The following SAMMSON variants were observed in gnomAD, a reference collection of about 807,000 sequenced individuals.
SAMMSON encodes the protein long intergenic non-protein coding RNA 1212.
At chr3:70,093,720 G>A (rs1345694643) in intron 4 of SAMMSON, among the ~76,000 whole-genome samples, 4 of 152,042 alleles carry the variant, frequency 2.6e-5, no homozygotes, top group East Asian at 1.9e-4. Context: ...CATGTGGCAC[G>A]GTGGAGTGGG....
chr3:70,370,871 T>C (rs1702963043), intron 9 of SAMMSON, among the ~76,000 whole-genome samples: 1 of 152,102 alleles, frequency 6.6e-6, no homozygotes, highest in South Asian at 2.1e-4. Flanking sequence ...TTAGAGGTCT[T>C]AGTCATAAAC....
At chr3:70,237,977 A>ATATTTTTT (rs1251005797) in intron 4 of SAMMSON, among the ~76,000 whole-genome samples, 1 of 13,008 alleles carries the variant, frequency 7.7e-5, no homozygotes, top group Non-Finnish European at 1.4e-4. Flanking sequence ...ATTGAGTGGT[A>ATATTTTTT]TCTTTTTTTT....
chr3:70,290,561 G>A (rs1193763241), intron 6 of SAMMSON, among the ~76,000 whole-genome samples: 1 of 152,232 alleles, frequency 6.6e-6, no homozygotes, highest in Non-Finnish European at 1.5e-5. Flanking sequence ...AGGCAGGCAG[G>A]CCTCCTTGAG....
chr3:70,353,139 A>G (rs967141080), intron 7 of SAMMSON, among the ~76,000 whole-genome samples: 3 of 152,028 alleles, frequency 2.0e-5, no homozygotes, highest in Non-Finnish European at 4.4e-5. Context: ...CTGGGCAAAA[A>G]ATCCTTAGAT....
intron 7 of SAMMSON, among the ~76,000 whole-genome samples, chr3:70,292,203 GATA>G (rs1444107097): frequency 2.6e-5 from 4 of 152,288 alleles, no homozygotes; most frequent in African/African-American, 7.2e-5. Flanking sequence ...ATGAATTGGA[GATA>G]ATAATACCAC....
intron 3 of SAMMSON, among the ~76,000 whole-genome samples, chr3:70,016,280 A>G (rs574776684): frequency 1.3e-5 from 2 of 152,058 alleles, no homozygotes; most frequent in Non-Finnish European, 2.9e-5. Context: ...ATGGAATCTC[A>G]TTGTGGTTTT....
chr3:70,157,450 A>G (rs576418513), intron 4 of SAMMSON, among the ~76,000 whole-genome samples: 20 of 152,228 alleles, frequency 1.3e-4, no homozygotes, highest in African/African-American at 4.3e-4. Flanking sequence ...TATCATTCAC[A>G]TGAGTGATAT....
At chr3:70,164,574 G>C (rs1431606851) in intron 4 of SAMMSON, among the ~76,000 whole-genome samples, 3 of 151,982 alleles carry the variant, frequency 2.0e-5, no homozygotes, top group Non-Finnish European at 4.4e-5. Flanking sequence ...TCCCACCTGT[G>C]CAACAAATAA....
At chr3:70,240,949 G>A (rs1317599662) in intron 4 of SAMMSON, among the ~76,000 whole-genome samples, 2 of 152,128 alleles carry the variant, frequency 1.3e-5, no homozygotes, top group Non-Finnish European at 2.9e-5. Flanking sequence ...TGATAAATGA[G>A]CCAAGTTAAT....
intron 4 of SAMMSON, chr3:70,159,594 G>C (rs1227689841): frequency 6.6e-6 from 1 of 151,300 alleles, no homozygotes; most frequent in East Asian, 1.9e-4. Context: ...ATGGAGTCTC[G>C]CTCTGTCACC....
chr3:70,253,050 A>T (rs1701784158), intron 6 of SAMMSON, among the ~76,000 whole-genome samples: 1 of 152,170 alleles, frequency 6.6e-6, no homozygotes, highest in African/African-American at 2.4e-5. Flanking sequence ...ATTGTACTCC[A>T]GCCTGGGGGA....
intron 4 of SAMMSON, among the ~76,000 whole-genome samples, chr3:70,172,112 A>G (rs748534496): frequency 1.3e-5 from 2 of 151,934 alleles, no homozygotes; most frequent in African/African-American, 2.4e-5. Flanking sequence ...TTCCTATTAC[A>G]GAGAACTTTC....
At chr3:70,034,455 A>G (rs2067077924) in intron 3 of SAMMSON, among the ~76,000 whole-genome samples, 1 of 152,188 alleles carries the variant, frequency 6.6e-6, no homozygotes, top group Admixed American at 6.5e-5. Context: ...AAAATGTTTA[A>G]GCCTGGAAAC....
intron 7 of SAMMSON, among the ~76,000 whole-genome samples, chr3:70,312,157 T>C (rs1702459913): frequency 6.6e-6 from 1 of 152,198 alleles, no homozygotes; most frequent in Non-Finnish European, 1.5e-5. Context: ...AACATTGACA[T>C]TGAAAACTAA....
intron 3 of SAMMSON, among the ~76,000 whole-genome samples, chr3:70,038,360 A>T (rs1217942689): frequency 6.6e-6 from 1 of 152,064 alleles, no homozygotes; most frequent in Non-Finnish European, 1.5e-5. Flanking sequence ...TCACCATGTG[A>T]TATCTTTGCA....
chr3:70,047,599 G>A (rs988167055), intron 3 of SAMMSON, among the ~76,000 whole-genome samples: 29 of 152,100 alleles, frequency 1.9e-4, no homozygotes, highest in African/African-American at 7.0e-4. Context: ...CTCTCAAAGT[G>A]CCGGGATTAT....
At chr3:70,112,908 C>T (rs2067395427) in intron 4 of SAMMSON, among the ~76,000 whole-genome samples, 1 of 152,146 alleles carries the variant, frequency 6.6e-6, no homozygotes, top group Non-Finnish European at 1.5e-5. Context: ...ACTCCATTCT[C>T]ACAATAGATG....
chr3:70,042,022 T>G (rs2067108195), intron 3 of SAMMSON, among the ~76,000 whole-genome samples: 1 of 152,122 alleles, frequency 6.6e-6, no homozygotes, highest in Non-Finnish European at 1.5e-5. Context: ...GGTTGCTTTT[T>G]TGAAGGAGGG....
At chr3:70,083,710 G>T (rs935244977) in intron 4 of SAMMSON, among the ~76,000 whole-genome samples, 2 of 152,120 alleles carry the variant, frequency 1.3e-5, no homozygotes, top group Middle Eastern at 3.2e-3. Context: ...TCTGGTCTCA[G>T]TTCTGCATAT....
Sources: allele counts gnomAD v4.1 joint callset (sites outside exome capture counted in the v4.1 genomes callset), GRCh38; gene constraint gnomAD v4.1.1; transcripts MANE v1.5; gene names NCBI Gene and HGNC (gene_info 2026-07-23, HGNC 2026-07-21).